Variants in COL24A1 observed in about 807,000 individuals in gnomAD.
The protein encoded by COL24A1 is collagen type XXIV alpha 1 chain.
A neutral mutation model predicts 253.9 loss-of-function variants in COL24A1; 224 were observed. The ratio of observed to expected loss-of-function variants is 0.88; its 90% CI spans 0.79 to 0.99. COL24A1 has a LOEUF of 0.99. Among genes scored for constraint, COL24A1 ranks in the 50% least tolerant of loss-of-function variants. The pLI is 0.00. For missense variants in COL24A1, 2,131 were observed against 2,068.5 expected (o/e 1.03, Z -0.59); for synonymous variants, 685 against 673.7 (o/e 1.02, Z -0.26).
intron 47 of COL24A1, among the ~76,000 whole-genome samples, chr1:85,803,298 C>T (rs941617273): frequency 1.3e-5 from 2 of 151,888 alleles, no homozygotes; most frequent in Non-Finnish European, 2.9e-5. Context: ...GATATGGTGG[C>T]ATGCACCTGT....
Position 85,784,184 on chromosome 1 carries a change from ATGATAATAATTATTGTACAATGGC to A in COL24A1, c.4168-42_4168-19del, listed in dbSNP as rs1669427604. 1 of 1,613,260 alleles carries A rather than the reference ATGATAATAATTATTGTACAATGGC, an allele frequency of 6.2e-7. No individual in the cohort carries two copies. ...TATTCTCCCTGCAAAGTGAATTGAC[ATGATAATAATTATTGTACAATGGC>A]AGCCTGCTCTGTAGAATAAATGCTT... On this transcript the variant is annotated intron_variant, in intron 49 of 59. Coordinates refer to ENST00000370571, the MANE Select transcript of COL24A1 (RefSeq NM_152890.7).
At chr1:85,791,711 G>A (rs1379005825) in intron 47 of COL24A1, among the ~76,000 whole-genome samples, 1 of 152,074 alleles carries the variant, frequency 6.6e-6, no homozygotes, top group Non-Finnish European at 1.5e-5. Context: ...TGCAGCATTT[G>A]GCAGTACCTA....
chr1:86,125,979 A>C lies in COL24A1; in HGVS notation c.357T>G (p.Asn119Lys). ...LTGLQSHRVNNAFLFSIRNKN... is the reference protein window; with the variant it reads ...LTGLQSHRVNKAFLFSIRNKN... Reference sequence around the variant, plus strand: ...TATTTCTAATGCTGAAGAGAAATGCATTGTTCACCCGATGTGACTGTAACC... The same window carrying C: ...TATTTCTAATGCTGAAGAGAAATGCCTTGTTCACCCGATGTGACTGTAACC... Residue 119 changes from asparagine (N) to lysine (K), a missense_variant, in exon 3 of 60, where the codon AAT becomes AAG. Transcript: ENST00000370571. 6.2e-7 allele frequency: 1 copy of C among 1,613,580 alleles called. No individual in the cohort carries two copies. Among genetic ancestry groups the C allele is most frequent in the South Asian group, 1.1e-5 (1 of 91,078 alleles).
At chr1:85,947,825 A>G (rs1558762744) in intron 24 of COL24A1, among the ~76,000 whole-genome samples, 1 of 152,224 alleles carries the variant, frequency 6.6e-6, no homozygotes, top group Non-Finnish European at 1.5e-5. Context: ...TGTCAGCAGT[A>G]CATGGAAGCC....
chr1:86,112,882 T>C (rs1463318172), intron 4 of COL24A1, among the ~76,000 whole-genome samples: 1 of 152,192 alleles, frequency 6.6e-6, no homozygotes, highest in Non-Finnish European at 1.5e-5. Context: ...CGTAGAAATT[T>C]CTTCATGTAA....
chr1:85,989,339 G>T (rs1475274117), intron 19 of COL24A1, among the ~76,000 whole-genome samples: 1 of 151,546 alleles, frequency 6.6e-6, no homozygotes, highest in East Asian at 1.9e-4. Context: ...TCATATTTTT[G>T]ATATACTCTG....
chr1:85,830,495 G>T (rs548035862), intron 43 of COL24A1, among the ~76,000 whole-genome samples: 25 of 152,292 alleles, frequency 1.6e-4, no homozygotes, highest in African/African-American at 6.0e-4. Context: ...GTGAGCCTGG[G>T]CAATGGCGGG....
intron 35 of COL24A1, among the ~76,000 whole-genome samples, chr1:85,873,380 C>T (rs997013447): frequency 6.6e-6 from 1 of 152,176 alleles, no homozygotes; most frequent in African/African-American, 2.4e-5. Flanking sequence ...TATAAAGACA[C>T]ATGCACATGT....
chr1:86,121,146 T>C (rs931410047), intron 3 of COL24A1, among the ~76,000 whole-genome samples: 4 of 151,858 alleles, frequency 2.6e-5, no homozygotes, highest in African/African-American at 7.3e-5. Context: ...TGTCATGGGG[T>C]GAAGGGCAGG....
intron 19 of COL24A1, among the ~76,000 whole-genome samples, chr1:86,007,316 T>C (rs1237199718): frequency 6.6e-6 from 1 of 152,086 alleles, no homozygotes; most frequent in African/African-American, 2.4e-5. Flanking sequence ...TCCAGAACAC[T>C]GACACCAAAT....
At chr1:85,899,136 GTC>G (rs1684039103) in intron 28 of COL24A1, among the ~76,000 whole-genome samples, 1 of 152,052 alleles carries the variant, frequency 6.6e-6, no homozygotes, top group South Asian at 2.1e-4. Context: ...AATTTTAGCC[GTC>G]TCTATTGATT....
At chr1:85,882,420 G>A (rs541114478) in intron 32 of COL24A1, among the ~76,000 whole-genome samples, 1 of 152,060 alleles carries the variant, frequency 6.6e-6, no homozygotes, top group South Asian at 2.1e-4. Flanking sequence ...AGCCGAGATC[G>A]GCCACTGCAC....
chr1:86,130,868 G>A (rs1649063774), intron 2 of COL24A1, among the ~76,000 whole-genome samples: 2 of 151,418 alleles, frequency 1.3e-5, no homozygotes, highest in South Asian at 2.1e-4. Context: ...ATTTTCTTTT[G>A]ACAAATAGAG....
intron 7 of COL24A1, among the ~76,000 whole-genome samples, chr1:86,067,033 G>A (rs969837481): frequency 6.6e-6 from 1 of 152,052 alleles, no homozygotes; most frequent in Non-Finnish European, 1.5e-5. Context: ...CAGCTACTTG[G>A]GAGGCTGAGA....
chr1:86,065,187 A>G (rs1437948488), intron 7 of COL24A1, among the ~76,000 whole-genome samples: 4 of 151,940 alleles, frequency 2.6e-5, no homozygotes, highest in African/African-American at 9.7e-5. Context: ...CCATGAGCCT[A>G]TTTCCTTTTC....
intron 5 of COL24A1, among the ~76,000 whole-genome samples, chr1:86,110,655 G>A (rs552823796): frequency 1.3e-5 from 2 of 152,062 alleles, no homozygotes; most frequent in Non-Finnish European, 2.9e-5. Context: ...CACTCCCAGC[G>A]GCCCCGGGCA....
chr1:86,062,148 T>C (rs527243474), intron 8 of COL24A1, among the ~76,000 whole-genome samples: 3 of 152,198 alleles, frequency 2.0e-5, no homozygotes, highest in African/African-American at 7.2e-5. Flanking sequence ...CTAGAAGTTG[T>C]AGTTAATAGT....
At chr1:85,949,853 T>C (rs1475515559) in intron 24 of COL24A1, among the ~76,000 whole-genome samples, 4 of 152,182 alleles carry the variant, frequency 2.6e-5, no homozygotes, top group Non-Finnish European at 5.9e-5. Flanking sequence ...GGGTTCCTCA[T>C]TATTTCATCA....
At chr1:85,766,368 C>CAAAAAAAAAA in intron 53 of COL24A1, among the ~76,000 whole-genome samples, 1 of 66,258 alleles carries the variant, frequency 1.5e-5, no homozygotes, top group Non-Finnish European at 2.6e-5. Context: ...GACTCTGTCT[C>CAAAAAAAAAA]AAAAAAAAAA....
Sources: allele counts gnomAD v4.1 joint callset (sites outside exome capture counted in the v4.1 genomes callset), GRCh38; gene constraint gnomAD v4.1.1; transcripts MANE v1.5; gene names NCBI Gene and HGNC (gene_info 2026-07-23, HGNC 2026-07-21).